VPS50: variants seen among roughly 807,000 people sequenced by gnomAD.
VPS50 encodes VPS50 subunit of EARP/GARPII complex.
In VPS50, 70 loss-of-function variants were observed where a neutral mutation model predicts 139.7. The ratio of observed to expected loss-of-function variants is 0.50; its 90% CI spans 0.41 to 0.61. The LOEUF (loss-of-function observed/expected upper bound fraction) is 0.61, where lower values mean the gene tolerates loss of function less well. Among genes scored for constraint, VPS50 ranks in the 20% least tolerant of loss-of-function variants. The pLI is 0.00. For missense variants in VPS50, 921 were observed against 1,133.7 expected (o/e 0.81, Z 2.69); for synonymous variants, 365 against 376.7 (o/e 0.97, Z 0.36).
intron 23 of VPS50, among the ~76,000 whole-genome samples, chr7:93,343,304 A>G (rs924418486): frequency 1.2e-4 from 19 of 152,130 alleles, no homozygotes; most frequent in Admixed American, 3.9e-4. Context: ...AAAGAAATGA[A>G]CAAAGCCTCC....
At chr7:93,327,138 C>G (rs1162842241) in intron 21 of VPS50, among the ~76,000 whole-genome samples, 1 of 152,116 alleles carries the variant, frequency 6.6e-6, no homozygotes, top group African/African-American at 2.4e-5. Context: ...CTAGACCAGT[C>G]CTAAGAAATT....
At position 93,353,761 on chromosome 7, in the gene VPS50, G is replaced by A; in HGVS notation, c.2585G>A (p.Gly862Glu). The change falls in exon 26 of 28, where the codon GGA becomes GAA. Residue 862 changes from glycine to glutamate, a missense_variant and splice_region_variant. Physicochemically the swap from Gly to Glu is moderately conservative, Grantham distance 98 (BLOSUM62 -2). This residue lies in a region of VPS50 where 158 missense variants were observed against 156.3 expected (regional missense o/e 1.01). Transcript: ENST00000305866. ...IRLANRTIVE[G>E]YANVKKCSNE... ...TTGGCTAATCGAACTATTGTAGAAGGGTAAGTTTTTCATGAAAGCATTATT... is the reference window on the plus strand; with the variant it reads ...TTGGCTAATCGAACTATTGTAGAAGAGTAAGTTTTTCATGAAAGCATTATT... The A allele has an allele frequency of 6.3e-7, 1 of 1,596,560 alleles. No individual in the cohort carries two copies. Among genetic ancestry groups the A allele is most frequent in the South Asian group, 1.1e-5 (1 of 87,028 alleles).
chr7:93,347,032 G>A (rs867408479), intron 23 of VPS50, among the ~76,000 whole-genome samples: 1,566 of 142,000 alleles, frequency 0.011, 33 homozygotes, highest in African/African-American at 0.038. Context: ...ATCAGAGTGA[G>A]CAGGCAACCT....
At chr7:93,274,811 T>C (rs1438110778) in intron 11 of VPS50, among the ~76,000 whole-genome samples, 3 of 152,158 alleles carry the variant, frequency 2.0e-5, no homozygotes, top group Non-Finnish European at 4.4e-5. Context: ...CATATGCCAT[T>C]AAGAACATTT....
At chr7:93,291,112 G>T (rs559297870) in intron 12 of VPS50, among the ~76,000 whole-genome samples, 1 of 152,110 alleles carries the variant, frequency 6.6e-6, no homozygotes, top group Non-Finnish European at 1.5e-5. Flanking sequence ...TTTACAAAGG[G>T]AAGCAAAATT....
chr7:93,292,753 T>G (rs1796687310), intron 13 of VPS50, among the ~76,000 whole-genome samples: 1 of 152,162 alleles, frequency 6.6e-6, no homozygotes, highest in South Asian at 2.1e-4. Context: ...TGTCTTGACT[T>G]ACAAGAAGCT....
At chr7:93,285,444 A>G (rs1005569759) in intron 12 of VPS50, among the ~76,000 whole-genome samples, 1 of 152,222 alleles carries the variant, frequency 6.6e-6, no homozygotes, top group Non-Finnish European at 1.5e-5. Flanking sequence ...ATTATAGAAT[A>G]AAAAGCAAAA....
At chr7:93,337,441 T>C (rs1357586520) in intron 22 of VPS50, among the ~76,000 whole-genome samples, 1 of 152,226 alleles carries the variant, frequency 6.6e-6, no homozygotes, top group Non-Finnish European at 1.5e-5. Flanking sequence ...TTCCATTATT[T>C]TCTAGAGCCA....
chr7:93,293,457 CTT>C (rs1161478117), intron 13 of VPS50, among the ~76,000 whole-genome samples: 3 of 152,170 alleles, frequency 2.0e-5, no homozygotes, highest in Non-Finnish European at 4.4e-5. Flanking sequence ...ACTCAACCCT[CTT>C]TGCCTAATCT....
In VPS50 at chr7:93,359,569, T is replaced by G. The variant is rs1345024621; in HGVS notation, c.*1133T>G. ...GTCTGATAAGGAATTTTGTGTGTGTTCTTTCTGACTGGAGAGTGGAGGACA... is the reference window on the plus strand; with the variant it reads ...GTCTGATAAGGAATTTTGTGTGTGTGCTTTCTGACTGGAGAGTGGAGGACA... On this transcript the variant is annotated 3_prime_UTR_variant, in exon 28 of 28. Coordinates refer to ENST00000305866, the MANE Select transcript of VPS50 (RefSeq NM_017667.4). 1.3e-5 allele frequency: 2 copies of G among 152,154 alleles called. No homozygotes were observed. The highest frequency in any genetic ancestry group is 3.9e-4 in the East Asian group (2 of 5,190). The allele number at this position is 152,154 out of a possible 1,614,324, so 9.4% of individuals were successfully genotyped here. A position where few individuals can be genotyped will look rare whatever the true frequency, so the allele number is the denominator to read the frequency against.
intron 23 of VPS50, among the ~76,000 whole-genome samples, chr7:93,348,051 A>C (rs567805970): frequency 6.6e-6 from 1 of 152,200 alleles, no homozygotes; most frequent in Admixed American, 6.5e-5. Context: ...TAATACAATT[A>C]ACGCATATAA....
At position 93,358,328 on chromosome 7, in the gene VPS50, G is replaced by A; in HGVS notation, c.2787G>A (p.Thr929=). The A allele has an allele frequency of 2.5e-6, 4 of 1,612,628 alleles. No homozygotes were observed. The highest frequency in any genetic ancestry group is 2.2e-5 in the East Asian group (1 of 44,850). The change falls in exon 28 of 28, where the codon ACG becomes ACA. Residue 929 remains threonine, a synonymous_variant. Coordinates refer to ENST00000305866, the MANE Select transcript of VPS50 (RefSeq NM_017667.4). The part of the protein sequence containing the change: ...RWIKEHREYS[T]KQLTNLVNVC... ...TCTTCTTTGAGCAGGAATATTCAAC[G>A]AAGCAGCTGACCAATCTGGTGAATG...
intron 2 of VPS50, among the ~76,000 whole-genome samples, chr7:93,241,929 GAAGATCTTT>G (rs1795003588): frequency 6.6e-6 from 1 of 151,888 alleles, no homozygotes; most frequent in South Asian, 2.1e-4. Context: ...TGTAATTGAA[GAAGATCTTT>G]AAGATCTTTT....
At chr7:93,297,821 C>T (rs900544309) in intron 16 of VPS50, among the ~76,000 whole-genome samples, 1 of 152,152 alleles carries the variant, frequency 6.6e-6, no homozygotes, top group African/African-American at 2.4e-5. Flanking sequence ...TATATCCTTA[C>T]AGCAGCAATA....
At position 93,358,317 on chromosome 7, in the gene VPS50, G is replaced by T. The variant is rs1798763712; in HGVS notation, c.2776G>T (p.Glu926Ter). 8 of 1,612,408 alleles carry T rather than the reference G, an allele frequency of 5.0e-6. No individual in the cohort carries two copies. Among genetic ancestry groups the T allele is most frequent in the African/African-American group, 1.3e-5 (1 of 74,832 alleles). ...DMERWIKEHR[E>*]YSTKQLTNLV... ...ATTTGGATCTTTCTTCTTTGAGCAG[G>T]AATATTCAACGAAGCAGCTGACCAA... The change falls in exon 28 of 28, where the codon GAA becomes TAA. Residue 926 changes from glutamate (E) to a stop codon, truncating the protein, a stop_gained and splice_region_variant. Coordinates refer to ENST00000305866, the MANE Select transcript of VPS50 (RefSeq NM_017667.4). LOFTEE classifies it high-confidence loss of function.
chr7:93,287,009 T>TA (rs1304107799), intron 12 of VPS50, among the ~76,000 whole-genome samples: 37 of 140,232 alleles, frequency 2.6e-4, no homozygotes, highest in Non-Finnish European at 4.8e-4. Context: ...TTTTTTTTTT[T>TA]AAAAAAAAAA....
chr7:93,348,465 G>A (rs1277243763), intron 23 of VPS50, among the ~76,000 whole-genome samples: 3 of 152,100 alleles, frequency 2.0e-5, no homozygotes, highest in Admixed American at 6.5e-5. Context: ...ATCATAAGCT[G>A]CTTGGCTCCT....
At chr7:93,343,115 A>C (rs1203767261) in intron 23 of VPS50, among the ~76,000 whole-genome samples, 2 of 152,208 alleles carry the variant, frequency 1.3e-5, no homozygotes, top group Non-Finnish European at 2.9e-5. Context: ...TAAGTAGAAT[A>C]ACCAATACAG....
rs1001689605 is a variant in VPS50 at position 93,355,991 on chromosome 7, C to T, written c.2686C>T (p.Pro896Ser). 1 of 1,584,250 alleles carries T rather than the reference C, an allele frequency of 6.3e-7. No homozygotes were observed. Among genetic ancestry groups the T allele is most frequent in the Admixed American group, 1.7e-5 (1 of 59,562 alleles). The change falls in exon 27 of 28, where the codon CCC becomes TCC. Residue 896 changes from proline (P) to serine (S), a missense_variant. By Grantham distance (74) the Pro-to-Ser change is moderately conservative. Around this residue, in one of 3 missense-constraint regions of VPS50, gnomAD observed 158 missense variants for 156.3 expected, o/e 1.01. Coordinates refer to ENST00000305866, the MANE Select transcript of VPS50 (RefSeq NM_017667.4). ...MKLEKLTDIRPIPDKEFVETY... is the reference protein window; with the variant it reads ...MKLEKLTDIRSIPDKEFVETY... ...ACTTGAAAAACTAACAGATATTAGACCCATTCCTGATAAAGAATTTGTAGA... is the reference window on the plus strand; with the variant it reads ...ACTTGAAAAACTAACAGATATTAGATCCATTCCTGATAAAGAATTTGTAGA...
Sources: allele counts gnomAD v4.1 joint callset (sites outside exome capture counted in the v4.1 genomes callset), GRCh38; gene constraint gnomAD v4.1.1; regional missense constraint gnomAD v4.1.1; transcripts MANE v1.5; gene names NCBI Gene and HGNC (gene_info 2026-07-23, HGNC 2026-07-21).